The following SATL1 variants were observed in gnomAD, a reference collection of about 807,000 sequenced individuals.
SATL1 encodes the protein spermidine/spermine N(1)-acetyltransferase-like protein 1.
Under a neutral mutation model 51.8 loss-of-function variants are expected in SATL1, and 47 were observed. That is an observed-to-expected ratio of 0.91 (90% confidence interval 0.72 to 1.16). The LOEUF is 1.16. Among genes scored for constraint, SATL1 ranks in the 50% most tolerant of loss-of-function variants. The probability of loss-of-function intolerance (pLI) is 0.00; values close to 1 mark genes in which losing one functional copy is unlikely to be tolerated. For missense variants in SATL1, 520 were observed against 526.4 expected (o/e 0.99, Z 0.12); for synonymous variants, 176 against 182.4 (o/e 0.97, Z 0.28).
chrX:85,143,480 T>C (rs1722758188), intron 2 of SATL1: 1 of 111,695 alleles, frequency 9.0e-6, no homozygotes, highest in South Asian at 3.7e-4. Context: ...CTTGGTGTTT[T>C]CTGACTGTAC....
At chrX:85,107,267 C>G (rs1291606448) in intron 3 of SATL1, 61 bp downstream of exon 3, 2 of 998,257 alleles carry the variant, frequency 2.0e-6, no homozygotes, top group Non-Finnish European at 2.8e-6. Flanking sequence ...AACTATGCCT[C>G]CCTTACTCTT....
intron 2 of SATL1, among the ~76,000 whole-genome samples, chrX:85,191,162 G>A (rs1351389578): frequency 1.8e-5 from 2 of 110,836 alleles, no homozygotes; most frequent in African/African-American, 6.6e-5. Flanking sequence ...ATGCAATTGT[G>A]TAATATCATG....
intron 2 of SATL1, among the ~76,000 whole-genome samples, chrX:85,168,986 G>C (rs759440964): frequency 3.6e-5 from 4 of 111,726 alleles, no homozygotes; most frequent in Non-Finnish European, 7.5e-5. Flanking sequence ...ATAACCATCC[G>C]ATCTTTGACA....
At chrX:85,145,136 A>G (rs925210426) in intron 2 of SATL1, among the ~76,000 whole-genome samples, 2 of 111,873 alleles carry the variant, frequency 1.8e-5, no homozygotes, top group African/African-American at 6.5e-5. Flanking sequence ...TGACTATTTA[A>G]TCTATCTGTC....
chrX:85,149,188 T>C (rs753560207), intron 2 of SATL1, among the ~76,000 whole-genome samples: 155 of 111,252 alleles, frequency 1.4e-3, no homozygotes, highest in African/African-American at 4.8e-3. Flanking sequence ...AAACAGACTT[T>C]AAACCAACAA....
intron 2 of SATL1, among the ~76,000 whole-genome samples, chrX:85,129,697 G>A (rs778425903): frequency 1.4e-4 from 16 of 111,537 alleles, no homozygotes; most frequent in South Asian, 3.7e-4. Context: ...AATAGGAGTC[G>A]TGAGAGAGGG....
At chrX:85,202,595 A>C (rs1414199296) in intron 2 of SATL1, among the ~76,000 whole-genome samples, 1 of 111,932 alleles carries the variant, frequency 8.9e-6, no homozygotes. Flanking sequence ...GCAGAGAAAG[A>C]AATCCTAGTG....
At chrX:85,234,439 A>G (rs1294168241) in intron 1 of SATL1, among the ~76,000 whole-genome samples, 2 of 112,187 alleles carry the variant, frequency 1.8e-5, no homozygotes, top group African/African-American at 6.5e-5. Context: ...TAAACTACTC[A>G]TATCTTAAAT....
chrX:85,101,796 T>A (rs1924898618), intron 4 of SATL1, among the ~76,000 whole-genome samples: 1 of 111,381 alleles, frequency 9.0e-6, no homozygotes, highest in Non-Finnish European at 1.9e-5. Context: ...AAATGATATA[T>A]ATATCTCACA....
intron 4 of SATL1, among the ~76,000 whole-genome samples, chrX:85,099,738 A>G (rs1924841117): frequency 3.6e-5 from 4 of 111,741 alleles, no homozygotes; most frequent in Admixed American, 1.9e-4. Context: ...GAATAGAGGG[A>G]CATTCCTCAA....
intron 2 of SATL1, among the ~76,000 whole-genome samples, chrX:85,128,024 G>A (rs1272473380): frequency 4.5e-5 from 5 of 111,429 alleles, no homozygotes; most frequent in Non-Finnish European, 7.5e-5. Context: ...TATGTGCCAC[G>A]TTTTCTTAAT....
At chrX:85,194,686 T>C (rs1451984567) in intron 2 of SATL1, among the ~76,000 whole-genome samples, 1 of 110,625 alleles carries the variant, frequency 9.0e-6, no homozygotes, top group Non-Finnish European at 1.9e-5. Flanking sequence ...TGGAATACCA[T>C]ACAGCCATAA....
At chrX:85,145,714 T>C (rs1374197596) in intron 2 of SATL1, among the ~76,000 whole-genome samples, 1 of 110,729 alleles carries the variant, frequency 9.0e-6, no homozygotes, top group Non-Finnish European at 1.9e-5. Context: ...TGAAAGATTA[T>C]AGTAATCACC....
intron 2 of SATL1, among the ~76,000 whole-genome samples, chrX:85,200,920 G>T (rs1927674134): frequency 9.1e-6 from 1 of 110,357 alleles, no homozygotes; most frequent in Admixed American, 9.8e-5. Flanking sequence ...TAAAACATAT[G>T]GTCTTTATTA....
At chrX:85,185,818 C>T (rs779258135) in intron 2 of SATL1, among the ~76,000 whole-genome samples, 1 of 110,245 alleles carries the variant, frequency 9.1e-6, no homozygotes, top group Admixed American at 9.6e-5. Context: ...GGTGCTCTAC[C>T]CCCCTGTGGC....
chrX:85,230,690 A>C (rs1291483577), intron 1 of SATL1, among the ~76,000 whole-genome samples: 5 of 112,524 alleles, frequency 4.4e-5, no homozygotes, highest in Non-Finnish European at 9.4e-5. Flanking sequence ...CAAAATACAT[A>C]ACAAACTCTT....
At position 85,107,910 on chromosome X, in the gene SATL1, T is replaced by C. The variant is rs1236740104; in HGVS notation, c.1059A>G (p.Gln353=). ...TGGGGCCTGATTGGCTTGGGGCTCG[T>C]TGCGGTGGACCTGGTTGGCTTATGC... is the stretch of plus-strand genomic sequence containing the variant. ...EASISQPGPP[Q]RAPSQSGPRQ... is the part of the protein sequence containing the mutation. The change falls in exon 3 of 8, where the codon CAA becomes CAG. Residue 353 remains glutamine, a synonymous_variant. Coordinates refer to ENST00000644105, the MANE Select transcript of SATL1 (RefSeq NM_001367857.2). 1 of 1,211,057 alleles carries C rather than the reference T, an allele frequency of 8.3e-7. No homozygotes were observed. Among genetic ancestry groups the C allele is most frequent in the East Asian group, 3.0e-5 (1 of 33,777 alleles).
At chrX:85,144,592 C>A (rs1056109675) in intron 2 of SATL1, among the ~76,000 whole-genome samples, 3 of 112,134 alleles carry the variant, frequency 2.7e-5, no homozygotes, top group African/African-American at 9.7e-5. Flanking sequence ...GGTCCTGTGA[C>A]TTGACTCGTA....
At chrX:85,184,594 A>T (rs1003848615) in intron 2 of SATL1, among the ~76,000 whole-genome samples, 2 of 111,998 alleles carry the variant, frequency 1.8e-5, no homozygotes, top group African/African-American at 6.5e-5. Context: ...TGCTGAATCA[A>T]TTCTGAAGTT....
Sources: gnomAD v4.1 joint callset for allele counts (sites outside exome capture counted in the v4.1 genomes callset) on GRCh38, gnomAD v4.1.1 for gene constraint, MANE v1.5 for transcripts, NCBI Gene and HGNC (gene_info 2026-07-23, HGNC 2026-07-21) for gene names.